Variants in MPHOSPH10 observed in about 807,000 individuals in gnomAD.
MPHOSPH10 encodes the protein U3 small nucleolar ribonucleoprotein MPP10.
MPHOSPH10 carries 33 observed loss-of-function variants against 77.3 expected under a neutral mutation model. The observed-to-expected ratio is 0.43, with a 90% CI of 0.32 to 0.57. The LOEUF is 0.57. Ranked by LOEUF, MPHOSPH10 falls within the 20% of genes least tolerant of loss-of-function variation. MPHOSPH10 has a pLI of 0.07. For synonymous variants in MPHOSPH10, 245 were observed against 268.0 expected, an observed-to-expected ratio of 0.91 and a Z score of 0.84; for missense variants, 708 against 780.1, an observed-to-expected ratio of 0.91 and a Z score of 1.10.
chr2:71,146,338 T>A (rs1229455283), intron 8 of MPHOSPH10, among the ~76,000 whole-genome samples: 34 of 146,280 alleles, frequency 2.3e-4, no homozygotes, highest in African/African-American at 7.3e-4. Context: ...TTGTGGCTTT[T>A]TTTTTTTTTT....
At chr2:71,146,608 G>A (rs1276955786) in intron 8 of MPHOSPH10, among the ~76,000 whole-genome samples, 1 of 152,130 alleles carries the variant, frequency 6.6e-6, no homozygotes, top group Non-Finnish European at 1.5e-5. Flanking sequence ...AAAGTGCTGG[G>A]ATTACAGGCG....
Position 71,133,117 on chromosome 2 carries a change from T to C in MPHOSPH10, c.309T>C (p.Asp103=). 6.2e-7 allele frequency: 1 copy of C among 1,614,158 alleles called. No homozygotes were observed. Among genetic ancestry groups the C allele is most frequent in the Non-Finnish European group, 8.5e-7 (1 of 1,180,006 alleles). The change falls in exon 2 of 11, where the codon GAT becomes GAC. Residue 103 remains aspartate, a synonymous_variant. Coordinates refer to ENST00000244230, the MANE Select transcript of MPHOSPH10 (RefSeq NM_005791.3). ...TTAGTGAAACAATTAATGATGAAGATATCAGTCTTCTCCCAGAGAGTGAAG... is the reference window on the plus strand; with the variant it reads ...TTAGTGAAACAATTAATGATGAAGACATCAGTCTTCTCCCAGAGAGTGAAG... ...NAVSETINDE[D]ISLLPESEEQ...
chr2:71,149,920 C>T lies in MPHOSPH10; in HGVS notation c.1951C>T (p.Gln651Ter), dbSNP rs752634636. 2 of 1,573,404 alleles carry T rather than the reference C, an allele frequency of 1.3e-6. No homozygotes were observed. The highest frequency in any genetic ancestry group is 1.4e-5 in the African/African-American group (1 of 72,556). Residue 651 changes from glutamine to a stop codon, truncating the protein, a stop_gained, in exon 11 of 11, where the codon CAA becomes TAA. Transcript: ENST00000244230. LOFTEE classifies it high-confidence loss of function. The part of the protein sequence containing the change: ...KSSQAFFSKL[Q>*]DQVKMQINDA... Reference sequence around the variant, plus strand: ...CTCTCAAGCATTCTTTTCTAAATTACAAGATCAAGTAAAAATGCAAATCAA... The same window carrying T: ...CTCTCAAGCATTCTTTTCTAAATTATAAGATCAAGTAAAAATGCAAATCAA...
chr2:71,149,820 T>C, intron 10 of MPHOSPH10, 46 bp from the exon 11 acceptor site: 2 of 1,486,846 alleles, frequency 1.3e-6, no homozygotes, highest in Non-Finnish European at 1.8e-6. Flanking sequence ...TTTTTTCACT[T>C]ATAAGTACAT....
intron 1 of MPHOSPH10, among the ~76,000 whole-genome samples, chr2:71,131,267 C>A (rs1051809721): frequency 6.6e-6 from 1 of 152,196 alleles, no homozygotes; most frequent in African/African-American, 2.4e-5. Flanking sequence ...AAACCCCAAC[C>A]TTTCCCTGAG....
intron 6 of MPHOSPH10, 55 bp from the exon 7 acceptor site, chr2:71,141,177 A>G (rs1673603195): frequency 8.1e-7 from 1 of 1,230,604 alleles, no homozygotes; most frequent in East Asian, 3.2e-5. Flanking sequence ...TTCTTAAGTG[A>G]ACCTAGAAAT....
chr2:71,144,841 C>T (rs357750), intron 8 of MPHOSPH10, among the ~76,000 whole-genome samples: 45,122 of 152,082 alleles, frequency 0.3, 6,862 homozygotes, highest in Admixed American at 0.39. Flanking sequence ...CACAGGGACT[C>T]CTCCTTTCCC....
intron 5 of MPHOSPH10, 139 bp from the exon 6 acceptor site, chr2:71,139,656 C>A: frequency 1.7e-6 from 1 of 601,680 alleles, no homozygotes; most frequent in African/African-American, 1.9e-5. Context: ...CTTTCTGATT[C>A]AGGAAGTATG....
At position 71,135,560 on chromosome 2, in the gene MPHOSPH10, T is replaced by A. The variant is rs556905540; in HGVS notation, c.1098+763T>A. On this transcript the variant is annotated intron_variant, in intron 4 of 10. Transcript: ENST00000244230. Reference sequence around the variant, plus strand: ...TGACTCTGTCTCAAAAATAAAAAAATTTTTAAAGATAATTGTTTTTTTCTC... The same window carrying A: ...TGACTCTGTCTCAAAAATAAAAAAAATTTTAAAGATAATTGTTTTTTTCTC... 1.5e-4 allele frequency among the ~76,000 whole-genome samples: 23 copies of A among 151,926 alleles called. No homozygotes were observed. The South Asian group carries it at 3.7e-3, about 25-fold the overall frequency.
At chr2:71,136,967 A>C (rs1192145535) in intron 4 of MPHOSPH10, among the ~76,000 whole-genome samples, 1 of 143,764 alleles carries the variant, frequency 7.0e-6, no homozygotes, top group Admixed American at 7.1e-5. Context: ...CACAGAGCAC[A>C]GTCTCATTCA....
At chr2:71,145,492 T>C (rs1673689321) in intron 8 of MPHOSPH10, among the ~76,000 whole-genome samples, 1 of 140,906 alleles carries the variant, frequency 7.1e-6, no homozygotes, top group Admixed American at 7.8e-5. Context: ...ACCTGGTTGT[T>C]TTTTTTTGTT....
At chr2:71,141,597 A>G (rs532797327) in intron 7 of MPHOSPH10, among the ~76,000 whole-genome samples, 1 of 152,304 alleles carries the variant, frequency 6.6e-6, no homozygotes, top group South Asian at 2.1e-4. Context: ...TGATACTTTT[A>G]CAACTCATTA....
chr2:71,139,784 A>G lies in MPHOSPH10; in HGVS notation c.1241-11A>G, dbSNP rs1163868559. 5 of 1,593,640 alleles carry G rather than the reference A, an allele frequency of 3.1e-6. No homozygotes were observed. The African/African-American group carries it at 4.0e-5, about 13-fold the overall frequency. On this transcript the variant is annotated splice_polypyrimidine_tract_variant and intron_variant, in intron 5 of 10. Transcript: ENST00000244230. ...TATCTACCTAATGAATAAACGTTGTATATCCTTTAGCACCTGTGATTACAG... is the reference window on the plus strand; with the variant it reads ...TATCTACCTAATGAATAAACGTTGTGTATCCTTTAGCACCTGTGATTACAG...
intron 1 of MPHOSPH10, 181 bp downstream of exon 1, chr2:71,130,935 A>G (rs1572895453): frequency 5.0e-6 from 3 of 599,100 alleles, no homozygotes; most frequent in Non-Finnish European, 8.7e-6. Context: ...TAAAATTTGT[A>G]TAGATGGATC....
At chr2:71,140,787 G>C (rs775965958) in intron 6 of MPHOSPH10, among the ~76,000 whole-genome samples, 24 of 152,110 alleles carry the variant, frequency 1.6e-4, no homozygotes, top group Non-Finnish European at 3.4e-4. Flanking sequence ...GTCTAAAATA[G>C]AAAGGGTTTA....
At chr2:71,131,178 T>G (rs1673370028) in intron 1 of MPHOSPH10, among the ~76,000 whole-genome samples, 1 of 152,192 alleles carries the variant, frequency 6.6e-6, no homozygotes, top group South Asian at 2.1e-4. Context: ...CCATGTCTCT[T>G]CCCAACACAA....
chr2:71,133,801 G>A (rs972827188), intron 2 of MPHOSPH10, 147 bp from the exon 3 acceptor site: 1 of 818,584 alleles, frequency 1.2e-6, no homozygotes, highest in East Asian at 2.9e-5. Context: ...TAATTATTTA[G>A]TTATTAGTTT....
At chr2:71,148,180 C>T (rs539869022) in intron 9 of MPHOSPH10, 74 bp downstream of exon 9, 11 of 1,291,304 alleles carry the variant, frequency 8.5e-6, no homozygotes, top group African/African-American at 1.5e-5. Context: ...ATTTATTTGA[C>T]GTCATTTGCC....
At chr2:71,140,869 T>A (rs1673597873) in intron 6 of MPHOSPH10, among the ~76,000 whole-genome samples, 1 of 152,184 alleles carries the variant, frequency 6.6e-6, no homozygotes, top group Admixed American at 6.5e-5. Context: ...AAGGCTTGAC[T>A]TTTAAACAAA....
Sources: allele counts gnomAD v4.1 joint callset (sites outside exome capture counted in the v4.1 genomes callset), GRCh38; gene constraint gnomAD v4.1.1; transcripts MANE v1.5; gene names NCBI Gene and HGNC (gene_info 2026-07-23, HGNC 2026-07-21).